The following CAPZA2 variants were observed in gnomAD, a reference collection of about 807,000 sequenced individuals.
CAPZA2 encodes the protein F-actin-capping protein subunit alpha-2.
A neutral mutation model predicts 44.0 loss-of-function variants in CAPZA2; 13 were observed. That is an observed-to-expected ratio of 0.30 (90% CI 0.19 to 0.47). The LOEUF is 0.47. Among genes scored for constraint, CAPZA2 ranks in the 20% least tolerant of loss-of-function variants. The pLI is 1.00. For synonymous variants in CAPZA2, 94 were observed against 108.2 expected (o/e 0.87, Z 0.81); for missense variants, 244 against 338.6 (o/e 0.72, Z 2.19).
At position 116,887,851 on chromosome 7, in the gene CAPZA2, G is replaced by A. The variant is rs146531583; in HGVS notation, c.40-276G>A. On this transcript the variant is annotated intron_variant, in intron 1 of 9. Coordinates refer to ENST00000361183, the MANE Select transcript of CAPZA2 (RefSeq NM_006136.3). ...CCATCTCAAAAAATAAAAAATTAAA[G>A]TTAAATAAAATAAGAAATTGTTTAT... Among the ~76,000 whole-genome samples, 1,502 of 152,210 alleles carry A rather than the reference G, an allele frequency of 9.9e-3. 23 individuals carry two copies. The highest frequency in any genetic ancestry group is 0.033 in the African/African-American group (1,369 of 41,538).
intron 3 of CAPZA2, 95 bp from the exon 4 acceptor site, chr7:116,898,677 G>A (rs1344024870): frequency 1.4e-5 from 10 of 694,668 alleles, no homozygotes; most frequent in African/African-American, 7.3e-5. Context: ...GTGCAATGTA[G>A]GAGGAGACTT....
intron 4 of CAPZA2, among the ~76,000 whole-genome samples, chr7:116,902,773 G>A (rs1179615824): frequency 6.6e-6 from 1 of 152,126 alleles, no homozygotes; most frequent in Non-Finnish European, 1.5e-5. Flanking sequence ...GTCCTGCTCT[G>A]TCACCCAGGC....
At chr7:116,904,065 G>A (rs1797028719) in intron 4 of CAPZA2, 112 bp from the exon 5 acceptor site, 1 of 658,814 alleles carries the variant, frequency 1.5e-6, no homozygotes, top group Non-Finnish European at 2.6e-6. Flanking sequence ...TATGCTTGGA[G>A]TAGGATTGTT....
intron 6 of CAPZA2, among the ~76,000 whole-genome samples, chr7:116,907,217 G>C (rs937734573): frequency 1.2e-4 from 19 of 152,118 alleles, no homozygotes; most frequent in African/African-American, 3.9e-4. Context: ...ATAAATGCAG[G>C]GTTGCAAGGT....
chr7:116,915,159 C>T (rs1450829963), intron 8 of CAPZA2, among the ~76,000 whole-genome samples: 5 of 151,900 alleles, frequency 3.3e-5, no homozygotes, highest in African/African-American at 7.3e-5. Flanking sequence ...AAAAATGAGA[C>T]GGGAATGGTG....
chr7:116,875,881 T>G (rs1414810273), intron 1 of CAPZA2: 1 of 152,174 alleles, frequency 6.6e-6, no homozygotes, highest in East Asian at 1.9e-4. Context: ...ATCCCGTAAC[T>G]CAAAGTTCTG....
At chr7:116,917,239 G>A (rs1791691871) in intron 9 of CAPZA2, among the ~76,000 whole-genome samples, 2 of 151,728 alleles carry the variant, frequency 1.3e-5, no homozygotes, top group African/African-American at 4.8e-5. Context: ...TCTTCTAGCT[G>A]CTTTTATTTT....
intron 2 of CAPZA2, among the ~76,000 whole-genome samples, chr7:116,890,597 TAC>T (rs780048437): frequency 4.0e-5 from 2 of 49,528 alleles, no homozygotes; most frequent in African/African-American, 1.8e-4. Context: ...TATATATATA[TAC>T]ACACACACAC....
At chr7:116,897,259 A>G (rs1796940066) in intron 3 of CAPZA2, among the ~76,000 whole-genome samples, 1 of 152,192 alleles carries the variant, frequency 6.6e-6, no homozygotes, top group Non-Finnish European at 1.5e-5. Context: ...TCATTTAAGG[A>G]TTAATAATGC....
intron 3 of CAPZA2, among the ~76,000 whole-genome samples, chr7:116,895,751 C>G (rs148731038): frequency 1.9e-3 from 284 of 151,854 alleles, no homozygotes; most frequent in African/African-American, 5.9e-3. Context: ...ATGTTGTAGA[C>G]ATCTCTGGGT....
intron 1 of CAPZA2, among the ~76,000 whole-genome samples, chr7:116,881,200 A>G (rs1483458337): frequency 6.6e-6 from 1 of 152,162 alleles, no homozygotes; most frequent in African/African-American, 2.4e-5. Flanking sequence ...AACAATTACT[A>G]CTTGAATGAT....
At chr7:116,914,510 T>C (rs568404930) in intron 8 of CAPZA2, among the ~76,000 whole-genome samples, 56 of 151,638 alleles carry the variant, frequency 3.7e-4, no homozygotes, top group African/African-American at 1.2e-3. Flanking sequence ...TTGCCCAGGT[T>C]ACAGTGCAGT....
At chr7:116,871,730 C>T (rs944819581) in intron 1 of CAPZA2, among the ~76,000 whole-genome samples, 10 of 152,188 alleles carry the variant, frequency 6.6e-5, no homozygotes, top group African/African-American at 2.2e-4. Context: ...TACCTCTGCT[C>T]CCTAAGCAAT....
chr7:116,915,760 G>C (rs1791671498), intron 8 of CAPZA2: 1 of 179,532 alleles, frequency 5.6e-6, no homozygotes. Context: ...ACCCATAAAG[G>C]TTGTCTATTG....
At chr7:116,873,906 A>G (rs1033948228) in intron 1 of CAPZA2, 3 of 153,122 alleles carry the variant, frequency 2.0e-5, no homozygotes, top group African/African-American at 4.8e-5. Context: ...AAGGATTGCA[A>G]GGCAGAAAGA....
chr7:116,911,775 A>G (rs1199400769), intron 7 of CAPZA2, among the ~76,000 whole-genome samples: 1 of 152,230 alleles, frequency 6.6e-6, no homozygotes, highest in African/African-American at 2.4e-5. Context: ...GTGAGCTCAG[A>G]TTTGGACATC....
intron 1 of CAPZA2, among the ~76,000 whole-genome samples, chr7:116,870,244 T>A (rs2115871403): frequency 6.6e-6 from 1 of 152,150 alleles, no homozygotes; most frequent in East Asian, 1.9e-4. Flanking sequence ...CTAAATTGGG[T>A]CTAAAAATTT....
At position 116,869,939 on chromosome 7, in the gene CAPZA2, G is replaced by A. The variant is rs189605294; in HGVS notation, c.39+7289G>A. 9.1e-4 allele frequency among the ~76,000 whole-genome samples: 139 copies of A among 152,156 alleles called. 1 individual carries two copies. The highest frequency in any genetic ancestry group is 2.1e-4 in the South Asian group (1 of 4,816). Reference sequence around the variant, plus strand: ...GGCTTGAGTGCAGTGGCACAATCTCGGCTCACTGCAACCTCTGCCTCCCGG... The same window carrying A: ...GGCTTGAGTGCAGTGGCACAATCTCAGCTCACTGCAACCTCTGCCTCCCGG... On this transcript the variant is annotated intron_variant, in intron 1 of 9. Coordinates refer to ENST00000361183, the MANE Select transcript of CAPZA2 (RefSeq NM_006136.3).
At position 116,918,691 on chromosome 7, in the gene CAPZA2, G is replaced by A. The variant is rs1791718993; in HGVS notation, c.*824G>A. On this transcript the variant is annotated 3_prime_UTR_variant, in exon 10 of 10. Transcript: ENST00000361183. Reference sequence around the variant, plus strand: ...TATTTTTTTTTTCTTGGATTGAAAAGTACTGAAATTCAATGTGACATTAAA... The same window carrying A: ...TATTTTTTTTTTCTTGGATTGAAAAATACTGAAATTCAATGTGACATTAAA... 1.3e-5 allele frequency: 2 copies of A among 151,846 alleles called. No individual in the cohort carries two copies. The highest frequency in any genetic ancestry group is 4.8e-5 in the African/African-American group (2 of 41,238). 9.4% of individuals were successfully genotyped at this position (151,846 alleles called of 1,614,324 possible).
Sources: allele counts gnomAD v4.1 joint callset (sites outside exome capture counted in the v4.1 genomes callset), GRCh38; gene constraint gnomAD v4.1.1; transcripts MANE v1.5; gene names NCBI Gene and HGNC (gene_info 2026-07-23, HGNC 2026-07-21).